Variants in NKAIN2 observed in about 807,000 individuals in gnomAD.
NKAIN2 encodes sodium/potassium-transporting ATPase subunit beta-1-interacting protein 2.
NKAIN2 carries 14 observed loss-of-function variants against 32.6 expected under a neutral mutation model. The observed-to-expected ratio is 0.43, with a 90% CI of 0.28 to 0.67. The LOEUF is 0.67. NKAIN2 is among the 30% of genes least tolerant of loss of function. The pLI, the probability that NKAIN2 is intolerant of heterozygous loss-of-function variation, is 0.17. For synonymous variants in NKAIN2, 80 were observed against 87.2 expected, an observed-to-expected ratio of 0.92 and a Z score of 0.46; for missense variants, 198 against 258.3, an observed-to-expected ratio of 0.77 and a Z score of 1.60.
At chr6:124,736,524 A>G (rs1468197799) in intron 4 of NKAIN2, among the ~76,000 whole-genome samples, 1 of 151,958 alleles carries the variant, frequency 6.6e-6, no homozygotes. Flanking sequence ...AAAACTTCAA[A>G]TGATAGGCTG....
intron 3 of NKAIN2, among the ~76,000 whole-genome samples, chr6:124,567,075 T>C (rs1780943674): frequency 6.6e-6 from 1 of 152,232 alleles, no homozygotes; most frequent in African/African-American, 2.4e-5. Flanking sequence ...CCCAATTGAA[T>C]GTCTCTTCTT....
chr6:124,537,976 G>A (rs1026502022), intron 3 of NKAIN2, among the ~76,000 whole-genome samples: 6 of 152,058 alleles, frequency 3.9e-5, no homozygotes, highest in African/African-American at 1.4e-4. Flanking sequence ...TATTTTCTAA[G>A]CAGTAAGTGT....
At chr6:124,664,956 TCA>T (rs1316007946) in intron 4 of NKAIN2, among the ~76,000 whole-genome samples, 8 of 151,846 alleles carry the variant, frequency 5.3e-5, no homozygotes, top group Non-Finnish European at 1.0e-4. Context: ...GAATTTCAAA[TCA>T]CAGTGGTATT....
chr6:124,531,272 T>C (rs1689578624), intron 3 of NKAIN2, among the ~76,000 whole-genome samples: 2 of 152,234 alleles, frequency 1.3e-5, no homozygotes, highest in South Asian at 2.1e-4. Flanking sequence ...CAGACTAAGA[T>C]GCAAACTAGG....
At chr6:124,099,308 T>C in intron 1 of NKAIN2, among the ~76,000 whole-genome samples, 1 of 152,166 alleles carries the variant, frequency 6.6e-6, no homozygotes, top group East Asian at 1.9e-4. Flanking sequence ...ATTAGAAGTA[T>C]CAGGAATTTA....
intron 1 of NKAIN2, among the ~76,000 whole-genome samples, chr6:123,922,452 C>G (rs1775799229): frequency 6.6e-6 from 1 of 152,132 alleles, no homozygotes; most frequent in African/African-American, 2.4e-5. Flanking sequence ...AGAAATCTGT[C>G]CTGATGTGAA....
intron 5 of NKAIN2, among the ~76,000 whole-genome samples, chr6:124,805,243 A>G (rs1279053962): frequency 6.6e-6 from 1 of 152,186 alleles, no homozygotes; most frequent in Non-Finnish European, 1.5e-5. Flanking sequence ...GGCACCCCCC[A>G]GTAGGGGCAG....
intron 1 of NKAIN2, among the ~76,000 whole-genome samples, chr6:123,976,367 A>ATG (rs1217756595): frequency 2.9e-4 from 6 of 20,770 alleles, no homozygotes; most frequent in African/African-American, 1.1e-3. Flanking sequence ...ATATATATAT[A>ATG]TTCCCATATA....
chr6:124,306,318 C>A (rs1414971448), intron 2 of NKAIN2, among the ~76,000 whole-genome samples: 1 of 151,830 alleles, frequency 6.6e-6, no homozygotes. Flanking sequence ...TTTATAACTT[C>A]AAAAAGAAAG....
At chr6:124,747,076 G>A (rs1777482998) in intron 4 of NKAIN2, among the ~76,000 whole-genome samples, 1 of 151,884 alleles carries the variant, frequency 6.6e-6, no homozygotes, top group African/African-American at 2.4e-5. Context: ...ATCTTATCCT[G>A]TTTATGATAC....
At chr6:124,532,353 T>C (rs546742879) in intron 3 of NKAIN2, among the ~76,000 whole-genome samples, 22 of 152,252 alleles carry the variant, frequency 1.4e-4, no homozygotes, top group African/African-American at 4.3e-4. Context: ...TTTTCTGGAA[T>C]TATGGCTGAA....
chr6:124,605,825 T>G (rs879567562), intron 3 of NKAIN2, among the ~76,000 whole-genome samples: 14 of 152,152 alleles, frequency 9.2e-5, no homozygotes, highest in South Asian at 2.1e-4. Context: ...TATCTGTGTT[T>G]GCTGACAATG....
At chr6:124,773,270 C>G (rs1185977078) in intron 4 of NKAIN2, among the ~76,000 whole-genome samples, 1 of 152,070 alleles carries the variant, frequency 6.6e-6, no homozygotes, top group South Asian at 2.1e-4. Context: ...TAGAATAACC[C>G]TTCAACAAGC....
intron 3 of NKAIN2, among the ~76,000 whole-genome samples, chr6:124,516,935 A>G (rs1474628804): frequency 6.6e-6 from 1 of 152,168 alleles, no homozygotes; most frequent in Non-Finnish European, 1.5e-5. Flanking sequence ...TTTAGTAATT[A>G]ATCAATGCTA....
chr6:124,014,443 T>G (rs760406112), intron 1 of NKAIN2, among the ~76,000 whole-genome samples: 2 of 152,090 alleles, frequency 1.3e-5, no homozygotes, highest in Admixed American at 6.5e-5. Context: ...TGTTGTTTTT[T>G]TCATTTTATA....
intron 5 of NKAIN2, among the ~76,000 whole-genome samples, chr6:124,795,049 T>C (rs1779937081): frequency 6.6e-6 from 1 of 152,178 alleles, no homozygotes; most frequent in Non-Finnish European, 1.5e-5. Context: ...TATGTGCCTA[T>C]TTTTGCCCAC....
chr6:124,720,950 T>G (rs1039153296), intron 4 of NKAIN2, among the ~76,000 whole-genome samples: 1 of 152,188 alleles, frequency 6.6e-6, no homozygotes, highest in Admixed American at 6.5e-5. Context: ...TAGTTGCCAT[T>G]TTAGTCATAG....
intron 3 of NKAIN2, among the ~76,000 whole-genome samples, chr6:124,364,215 C>T (rs187025267): frequency 1.6e-5 from 2 of 126,620 alleles, no homozygotes; most frequent in East Asian, 4.6e-4. Flanking sequence ...CAAACTAAAG[C>T]ACAGGAAAGG....
At chr6:124,629,220 C>T (rs907665682) in intron 3 of NKAIN2, among the ~76,000 whole-genome samples, 1 of 152,064 alleles carries the variant, frequency 6.6e-6, no homozygotes, top group African/African-American at 2.4e-5. Context: ...GAATTAAACC[C>T]CAGGGGTATA....
Sources: allele counts gnomAD v4.1 joint callset (sites outside exome capture counted in the v4.1 genomes callset), GRCh38; gene constraint gnomAD v4.1.1; transcripts MANE v1.5; gene names NCBI Gene and HGNC (gene_info 2026-07-23, HGNC 2026-07-21).